The following PRKCH variants were observed in gnomAD, a reference collection of about 807,000 sequenced individuals.
The protein encoded by PRKCH is protein kinase C eta.
Under a neutral mutation model 82.5 loss-of-function variants are expected in PRKCH, and 28 were observed. The ratio of observed to expected loss-of-function variants is 0.34; its 90% CI spans 0.25 to 0.47. PRKCH has a LOEUF of 0.47. PRKCH is among the 20% of genes least tolerant of loss of function. The pLI is 1.00. For synonymous variants in PRKCH, 322 were observed against 327.4 expected (o/e 0.98, Z 0.18); for missense variants, 705 against 881.8 (o/e 0.80, Z 2.54).
At chr14:61,385,423 G>A (rs553225873) in intron 1 of PRKCH, among the ~76,000 whole-genome samples, 1 of 152,298 alleles carries the variant, frequency 6.6e-6, no homozygotes, top group African/African-American at 2.4e-5. Context: ...ACCACTGCAC[G>A]AGCACAGGAT....
chr14:61,490,212 C>T (rs1429095738), intron 10 of PRKCH, among the ~76,000 whole-genome samples: 1 of 152,202 alleles, frequency 6.6e-6, no homozygotes, highest in Non-Finnish European at 1.5e-5. Flanking sequence ...ACAGAGGAAG[C>T]TTTTGCCCCA....
chr14:61,536,639 T>C (rs1447465895), intron 12 of PRKCH, among the ~76,000 whole-genome samples: 1 of 152,196 alleles, frequency 6.6e-6, no homozygotes, highest in African/African-American at 2.4e-5. Context: ...GTCAGACACC[T>C]GTTTATGTTA....
chr14:61,401,909 GGAA>G (rs1881643175), intron 2 of PRKCH, among the ~76,000 whole-genome samples: 1 of 152,164 alleles, frequency 6.6e-6, no homozygotes, highest in Non-Finnish European at 1.5e-5. Context: ...ACCATACTGT[GGAA>G]CTGGCAGATT....
intron 12 of PRKCH, among the ~76,000 whole-genome samples, chr14:61,534,638 G>A (rs2257218): frequency 0.96 from 146,905 of 152,246 alleles, 71,037 homozygotes; most frequent in Non-Finnish European, 1. Flanking sequence ...GATCATTAGA[G>A]GCATAAACAC....
chr14:61,351,139 T>A (rs2046068748), intron 1 of PRKCH, among the ~76,000 whole-genome samples: 1 of 152,234 alleles, frequency 6.6e-6, no homozygotes, highest in African/African-American at 2.4e-5. Flanking sequence ...AAAGATACTC[T>A]ACTAAAAAGC....
chr14:61,394,090 G>A (rs1477693507), intron 2 of PRKCH, among the ~76,000 whole-genome samples: 2 of 152,120 alleles, frequency 1.3e-5, no homozygotes, highest in Non-Finnish European at 2.9e-5. Context: ...TTGGCATTTT[G>A]CAAAATTGGT....
chr14:61,449,132 T>G lies in PRKCH; in HGVS notation c.614-32T>G, dbSNP rs374826027. 5 of 1,594,220 alleles carry G rather than the reference T, an allele frequency of 3.1e-6. No individual in the cohort carries two copies. The Admixed American group carries it at 6.7e-5, about 21-fold the overall frequency. ...AACTGGCTGGACTGTGAGCTTCTGA[T>G]AAATGTATAATTGCTGGATTTAATT... On this transcript the variant is annotated intron_variant, in intron 4 of 13. Transcript: ENST00000332981.
chr14:61,312,681 T>C (rs528931863), intron 1 of PRKCH, among the ~76,000 whole-genome samples: 2 of 152,270 alleles, frequency 1.3e-5, no homozygotes, highest in African/African-American at 4.8e-5. Context: ...AGAGAGTGTG[T>C]ACAGTGGAAC....
chr14:61,275,989 GTCAGTGTAT>G (rs1441396234), intron 1 of PRKCH, among the ~76,000 whole-genome samples: 8 of 152,220 alleles, frequency 5.3e-5, no homozygotes, highest in East Asian at 1.9e-4. Context: ...AATATGCGTT[GTCAGTGTAT>G]TCAGTGTATT....
chr14:61,459,714 G>GTTTTATTTATAGCCTTTGAGAGAA (rs1321679796), intron 9 of PRKCH, among the ~76,000 whole-genome samples: 1 of 152,068 alleles, frequency 6.6e-6, no homozygotes, highest in African/African-American at 2.4e-5. Flanking sequence ...AGTATTGCTC[G>GTTTTATTTATAGCCTTTGAGAGAA]TTTTATTTAT....
Position 61,267,307 on chromosome 14 carries a change from C to T in PRKCH, c.-19+79639C>T, listed in dbSNP as rs190818825. ...AGAGAGTACAGCGAGATGTAATGCT[C>T]GGAGCCTTGATGTATGCCTATCTAG... On this transcript the variant is annotated intron_variant, in intron 1 of 3. Coordinates refer to the PRKCH transcript ENST00000555185. 5.3e-5 allele frequency among the ~76,000 whole-genome samples: 8 copies of T among 152,248 alleles called. No individual in the cohort carries two copies. In the East Asian group the frequency reaches 9.7e-4, roughly 18 times the overall value.
At chr14:61,293,500 T>G (rs1484204379) in intron 1 of PRKCH, among the ~76,000 whole-genome samples, 1 of 152,206 alleles carries the variant, frequency 6.6e-6, no homozygotes, top group Non-Finnish European at 1.5e-5. Context: ...ATCGCAGCAC[T>G]AAAATGACAG....
At chr14:61,369,269 C>G (rs2046337162) in intron 1 of PRKCH, among the ~76,000 whole-genome samples, 1 of 152,088 alleles carries the variant, frequency 6.6e-6, no homozygotes, top group African/African-American at 2.4e-5. Context: ...GTTTCAGTCC[C>G]TGACTGCATT....
intron 1 of PRKCH, among the ~76,000 whole-genome samples, chr14:61,383,360 T>A (rs960378553): frequency 1.3e-5 from 2 of 152,180 alleles, no homozygotes; most frequent in Non-Finnish European, 2.9e-5. Context: ...TTCAAGGAAC[T>A]CTGCGAGGCT....
At chr14:61,512,181 A>T (rs987499283) in intron 10 of PRKCH, among the ~76,000 whole-genome samples, 6 of 150,876 alleles carry the variant, frequency 4.0e-5, no homozygotes, top group Admixed American at 3.3e-4. Context: ...GATCAGAAGC[A>T]CTCAGGGAGC....
chr14:61,315,143 G>A (rs573384478), intron 1 of PRKCH, among the ~76,000 whole-genome samples: 9 of 152,122 alleles, frequency 5.9e-5, no homozygotes, highest in Non-Finnish European at 1.2e-4. Flanking sequence ...TTATTTAGAT[G>A]TATCTTTGCA....
intron 1 of PRKCH, among the ~76,000 whole-genome samples, chr14:61,286,614 T>TA (rs1490851845): frequency 6.6e-6 from 1 of 151,678 alleles, no homozygotes; most frequent in Admixed American, 6.6e-5. Context: ...CCGTCTCTAC[T>TA]AAAAATACAA....
chr14:61,486,596 T>G (rs906175847), intron 10 of PRKCH, among the ~76,000 whole-genome samples: 5 of 145,080 alleles, frequency 3.4e-5, no homozygotes, highest in Admixed American at 6.7e-5. Context: ...CATTTTCCTG[T>G]TTTTTTTTCT....
intron 9 of PRKCH, among the ~76,000 whole-genome samples, chr14:61,473,915 A>G (rs939376754): frequency 1.3e-5 from 2 of 151,948 alleles, no homozygotes; most frequent in Admixed American, 1.3e-4. Flanking sequence ...AATCGCTTGC[A>G]CCCGGGAGGC....
Sources: allele counts gnomAD v4.1 joint callset (sites outside exome capture counted in the v4.1 genomes callset), GRCh38; gene constraint gnomAD v4.1.1; transcripts MANE v1.5; gene names NCBI Gene and HGNC (gene_info 2026-07-23, HGNC 2026-07-21).